Variants in GINS2 observed in about 807,000 individuals in gnomAD.
GINS2 encodes the protein GINS complex subunit 2, also known as DNA replication complex GINS protein PSF2.
Under a neutral mutation model 21.2 loss-of-function variants are expected in GINS2, and 23 were observed. That is an observed-to-expected ratio of 1.08 (90% CI 0.78 to 1.53). The LOEUF is 1.53. Among genes scored for constraint, GINS2 ranks in the 40% most tolerant of loss-of-function variants. The pLI is 0.00. For missense variants in GINS2, 323 were observed against 233.9 expected (o/e 1.38, Z -2.49); for synonymous variants, 118 against 85.6 (o/e 1.38, Z -2.09).
chr16:85,684,610 G>C (rs1270198326), intron 2 of GINS2, among the ~76,000 whole-genome samples: 1 of 151,872 alleles, frequency 6.6e-6, no homozygotes, highest in East Asian at 1.9e-4. Flanking sequence ...AAAGAACATA[G>C]CCAGGTGGTG....
chr16:85,684,873 C>T lies in GINS2; in HGVS notation c.205+2587G>A, dbSNP rs1292079198. On this transcript the variant is annotated intron_variant, in intron 2 of 4. Coordinates refer to ENST00000253462, the MANE Select transcript of GINS2 (RefSeq NM_016095.3). The stretch of plus-strand genomic sequence containing the variant: ...CGCGATCTCAGCTCACTGCAACTTC[C>T]ACCTCCTGGATTCAAGCAATTCTCC... Among the ~76,000 whole-genome samples the T allele has an allele frequency of 4.6e-5, 7 of 151,774 alleles. No individual in the cohort carries two copies. The South Asian group carries it at 1.0e-3, about 23-fold the overall frequency.
intron 2 of GINS2, among the ~76,000 whole-genome samples, chr16:85,684,923 G>C (rs951806050): frequency 6.6e-6 from 1 of 151,870 alleles, no homozygotes; most frequent in Non-Finnish European, 1.5e-5. Flanking sequence ...CAAGTAGCTG[G>C]GATTACAGGC....
At chr16:85,678,697 G>T in intron 3 of GINS2, 31 bp from the exon 4 acceptor site, 1 of 1,605,420 alleles carries the variant, frequency 6.2e-7, no homozygotes, top group Non-Finnish European at 8.5e-7. Context: ...GTCAGTCGGG[G>T]AACACTTGAT....
chr16:85,687,944 A>T, intron 1 of GINS2: 1 of 166,408 alleles, frequency 6.0e-6, no homozygotes, highest in Non-Finnish European at 1.3e-5. Flanking sequence ...CTCCTTCTCC[A>T]GGACTCCCAG....
chr16:85,680,089 G>A (rs2053719030), intron 3 of GINS2, among the ~76,000 whole-genome samples: 1 of 152,196 alleles, frequency 6.6e-6, no homozygotes, highest in African/African-American at 2.4e-5. Flanking sequence ...CTGATGGACT[G>A]TCAAGAGCAT....
Position 85,687,487 on chromosome 16 carries a change from G to C in GINS2, c.178C>G (p.Leu60Val). The C allele has an allele frequency of 6.3e-7, 1 of 1,589,122 alleles. No individual in the cohort carries two copies. The highest frequency in any genetic ancestry group is 1.4e-5 in the African/African-American group (1 of 73,762). ...ACATCCATCCACTCTGGAGGGAGCA[G>C]GCGACATTTCTGTCTTTGTTTCAGG... Reference protein sequence around the residue: ...INLKQRQKCRLLPPEWMDVEK... With the variant: ...INLKQRQKCRVLPPEWMDVEK... Residue 60 changes from leucine (L) to valine (V), a missense_variant, in exon 2 of 5, where the codon CTG becomes GTG. Transcript: ENST00000253462.
intron 2 of GINS2, among the ~76,000 whole-genome samples, chr16:85,685,681 A>AAAAAAAAAAAAAAACAAC (rs1567792829): frequency 1.4e-5 from 2 of 147,948 alleles, no homozygotes; most frequent in African/African-American, 5.1e-5. Flanking sequence ...AAAAAAAAAA[A>AAAAAAAAAAAAAAACAAC]AAAAAAAAAA....
At chr16:85,682,153 A>T (rs141628318) in intron 2 of GINS2, among the ~76,000 whole-genome samples, 402 of 150,422 alleles carry the variant, frequency 2.7e-3, no homozygotes, top group African/African-American at 9.5e-3. Context: ...CAGCCTCCCA[A>T]GGAGTAGCTG....
chr16:85,678,648 C>T lies in GINS2; in HGVS notation c.324G>A (p.Pro108=), dbSNP rs541558749. The change falls in exon 4 of 5, where the codon CCG becomes CCA. Residue 108 remains proline (P), a synonymous_variant. Transcript: ENST00000253462. ...CCAGGGTCCGGATTTCGTCTGCCTT[C>T]GGGATGTTGTCTGAAGCACTAAAGG... is the stretch of plus-strand genomic sequence containing the variant. ...LLLNHASDNI[P]KADEIRTLVK... is the part of the protein sequence containing the mutation. 55 of 1,613,634 alleles carry T rather than the reference C, an allele frequency of 3.4e-5. No individual in the cohort carries two copies. The highest frequency in any genetic ancestry group is 1.4e-4 in the South Asian group (13 of 91,064).
At position 85,688,808 on chromosome 16, in the gene GINS2, C is replaced by A; in HGVS notation, c.90+1G>T. 1 of 1,523,996 alleles carries A rather than the reference C, an allele frequency of 6.6e-7. No individual in the cohort carries two copies. Among genetic ancestry groups the A allele is most frequent in the Non-Finnish European group, 8.8e-7 (1 of 1,131,028 alleles). 94.4% of individuals were successfully genotyped at this position (1,523,996 alleles called of 1,614,324 possible). On this transcript the variant is annotated splice_donor_variant, in intron 1 of 4. Transcript: ENST00000253462. LOFTEE classifies it high-confidence loss of function. Reference sequence around the variant, plus strand: ...CTCCCCACGGCGGGCCCAGGCCTCACCCCGATGAGGTAGATCTTGTCCAGA... The same window carrying A: ...CTCCCCACGGCGGGCCCAGGCCTCAACCCGATGAGGTAGATCTTGTCCAGA...
intron 4 of GINS2, 92 bp from the exon 5 acceptor site, chr16:85,678,429 CT>C (rs2053703868): frequency 6.4e-7 from 1 of 1,557,430 alleles, no homozygotes; most frequent in East Asian, 2.2e-5. Context: ...AACCAATGAA[CT>C]GTTGAAAAGC....
At chr16:85,683,276 GACAAAGAGC>G (rs1291214568) in intron 2 of GINS2, among the ~76,000 whole-genome samples, 3 of 151,858 alleles carry the variant, frequency 2.0e-5, no homozygotes, top group Admixed American at 6.6e-5. Context: ...TCGACACTGG[GACAAAGAGC>G]TCAGCTCCCA....
chr16:85,683,669 A>G (rs949112731), intron 2 of GINS2, among the ~76,000 whole-genome samples: 10 of 152,044 alleles, frequency 6.6e-5, no homozygotes, highest in African/African-American at 1.9e-4. Flanking sequence ...GACACCTACC[A>G]CATCTCCCAC....
intron 2 of GINS2, among the ~76,000 whole-genome samples, chr16:85,684,461 T>C (rs1426769800): frequency 2.0e-5 from 3 of 152,174 alleles, no homozygotes; most frequent in Non-Finnish European, 4.4e-5. Flanking sequence ...CACCTTTGAA[T>C]AACCACTGCA....
At chr16:85,687,355 C>T (rs1236744871) in intron 2 of GINS2, 105 bp downstream of exon 2, 6 of 600,106 alleles carry the variant, frequency 1.0e-5, no homozygotes, top group Middle Eastern at 5.5e-4. Context: ...AGAGGGAGCA[C>T]GGACCTAGTC....
rs2053686152 is a variant in GINS2, at chr16:85,677,330, A to G, written c.*882T>C. ...AAAGTAATTTTCTCTTAGGAAAAAAATAATTTCCCCTGAGCCCACTGTTAC... is the reference window on the plus strand; with the variant it reads ...AAAGTAATTTTCTCTTAGGAAAAAAGTAATTTCCCCTGAGCCCACTGTTAC... On this transcript the variant is annotated 3_prime_UTR_variant, in exon 5 of 5. Transcript: ENST00000253462. 2 of 152,228 alleles carry G rather than the reference A, an allele frequency of 1.3e-5. No individual in the cohort carries two copies. The highest frequency in any genetic ancestry group is 1.3e-4 in the Admixed American group (2 of 15,284). 9.4% of individuals were successfully genotyped at this position (152,228 alleles called of 1,614,324 possible).
At chr16:85,687,235 A>G (rs758322313) in intron 2 of GINS2, among the ~76,000 whole-genome samples, 1 of 152,270 alleles carries the variant, frequency 6.6e-6, no homozygotes, top group Non-Finnish European at 1.5e-5. Flanking sequence ...ACAAACTACA[A>G]CTTTCACACA....
At chr16:85,682,330 A>T (rs1377408443) in intron 2 of GINS2, among the ~76,000 whole-genome samples, 1 of 152,150 alleles carries the variant, frequency 6.6e-6, no homozygotes, top group East Asian at 1.9e-4. Context: ...CTTTGATGCA[A>T]TAAGTGATCA....
Position 85,682,957 on chromosome 16 carries a change from C to A in GINS2, c.206-1276G>T, listed in dbSNP as rs2053746596. ...CCGCCAGCACCGCCTCAACCCACCA[C>A]CCACCTCTCACCTGACACCCAGCTG... On this transcript the variant is annotated intron_variant, in intron 2 of 4. Transcript: ENST00000253462. Among the ~76,000 whole-genome samples, 4 of 152,210 alleles carry A rather than the reference C, an allele frequency of 2.6e-5. No individual in the cohort carries two copies. In the South Asian group the frequency reaches 6.2e-4, roughly 24 times the overall value.
Sources: gnomAD v4.1 joint callset for allele counts (sites outside exome capture counted in the v4.1 genomes callset) on GRCh38, gnomAD v4.1.1 for gene constraint, MANE v1.5 for transcripts, NCBI Gene and HGNC (gene_info 2026-07-23, HGNC 2026-07-21) for gene names.